The following ATP10B variants were observed in gnomAD, a reference collection of about 807,000 sequenced individuals.
The protein encoded by ATP10B is phospholipid-transporting ATPase VB.
ATP10B carries 122 observed loss-of-function variants against 141.2 expected under a neutral mutation model. The observed-to-expected ratio is 0.86, with a 90% CI of 0.75 to 1.00. The LOEUF (loss-of-function observed/expected upper bound fraction) is 1.00. ATP10B is among the 50% of genes least tolerant of loss of function. The pLI is 0.00. For missense variants in ATP10B, 1,876 were observed against 1,825.3 expected, an observed-to-expected ratio of 1.03 and a Z score of -0.51; for synonymous variants, 685 against 692.0, an observed-to-expected ratio of 0.99 and a Z score of 0.16.
At chr5:160,828,573 A>T (rs1459392012) in intron 1 of ATP10B, among the ~76,000 whole-genome samples, 1 of 151,564 alleles carries the variant, frequency 6.6e-6, no homozygotes, top group African/African-American at 2.4e-5. Flanking sequence ...GCTGGAGAGG[A>T]TGTGGAGAAA....
chr5:160,863,847 G>A, the ATP10B span, among the ~76,000 whole-genome samples: 3 of 151,820 alleles, frequency 2.0e-5, no homozygotes, highest in African/African-American at 4.8e-5. Context: ...AAAATATAGA[G>A]GAGATGGATA....
the ATP10B span, among the ~76,000 whole-genome samples, chr5:160,864,810 C>T: frequency 6.6e-6 from 1 of 151,936 alleles, no homozygotes; most frequent in Non-Finnish European, 1.5e-5. Flanking sequence ...AACTCAATCC[C>T]TTTTACAACA....
intron 2 of ATP10B, among the ~76,000 whole-genome samples, chr5:160,759,510 T>A (rs1242680171): frequency 2.0e-5 from 3 of 152,238 alleles, no homozygotes; most frequent in Non-Finnish European, 4.4e-5. Context: ...CAATTTTTTT[T>A]AAGATTGTTA....
intron 22 of ATP10B, among the ~76,000 whole-genome samples, chr5:160,593,125 G>A (rs551936626): frequency 3.9e-4 from 60 of 152,262 alleles, no homozygotes; most frequent in African/African-American, 1.2e-3. Flanking sequence ...AAGTGGGTCC[G>A]TGACCCCTGA....
the ATP10B span, among the ~76,000 whole-genome samples, chr5:160,895,517 C>T: frequency 6.6e-6 from 1 of 152,138 alleles, no homozygotes; most frequent in South Asian, 2.1e-4. Context: ...AACATATATG[C>T]ACCCAATACA....
rs1770967865 is a variant in ATP10B, at chr5:160,784,241, C to T, written c.-331+1318G>A. ...GAATGGTGAGATCTTGCAAAATTAT[C>T]TTCTTTTGGCTGCACAAAGCAATTG... is the stretch of plus-strand genomic sequence containing the variant. On this transcript the variant is annotated intron_variant, in intron 2 of 25. Transcript: ENST00000327245. Among the ~76,000 whole-genome samples, 3 of 152,122 alleles carry T rather than the reference C, an allele frequency of 2.0e-5. No individual in the cohort carries two copies. In the South Asian group the frequency reaches 6.2e-4, roughly 31 times the overall value.
At chr5:160,807,100 G>A (rs1330892963) in intron 1 of ATP10B, among the ~76,000 whole-genome samples, 1 of 152,130 alleles carries the variant, frequency 6.6e-6, no homozygotes, top group Non-Finnish European at 1.5e-5. Context: ...CTGTTAAAAA[G>A]GAATGAACAG....
In ATP10B at chr5:160,608,807, G is replaced by T. The variant is rs181789009; in HGVS notation, c.2839-1721C>A. Among the ~76,000 whole-genome samples the T allele has an allele frequency of 9.9e-5, 15 of 152,278 alleles. No homozygotes were observed. The East Asian group carries it at 2.9e-3, about 29-fold the overall frequency. On this transcript the variant is annotated intron_variant, in intron 18 of 25. Coordinates refer to ENST00000327245, the MANE Select transcript of ATP10B (RefSeq NM_025153.3). ...ATTTTTTTCCTGTAAATTTCTTTAA[G>T]TTCTTTGTAGATTCTGGATATTAGC...
upstream of ATP10B, among the ~76,000 whole-genome samples, chr5:160,855,847 G>C (rs931345756): frequency 2.6e-5 from 4 of 151,446 alleles, no homozygotes; most frequent in Admixed American, 1.3e-4. Flanking sequence ...TTTTATGACT[G>C]TCCTTCCTCC....
At chr5:160,831,113 T>C (rs937870093) in intron 1 of ATP10B, among the ~76,000 whole-genome samples, 12 of 798 alleles carry the variant, frequency 0.015, no homozygotes, top group African/African-American at 0.023. Context: ...TCAACACGCT[T>C]TTTTTTTTTC....
chr5:160,835,305 G>A (rs575577526), intron 1 of ATP10B, among the ~76,000 whole-genome samples: 2 of 152,264 alleles, frequency 1.3e-5, no homozygotes, highest in African/African-American at 4.8e-5. Flanking sequence ...TGAAGAACAA[G>A]CTGAGATGTA....
chr5:160,782,278 A>G (rs1205550636), intron 2 of ATP10B, among the ~76,000 whole-genome samples: 1 of 152,192 alleles, frequency 6.6e-6, no homozygotes, highest in Non-Finnish European at 1.5e-5. Context: ...TACAGTTTAG[A>G]CAAGGCACAG....
At chr5:160,644,282 G>T in intron 8 of ATP10B, 38 bp from the exon 9 acceptor site, 1 of 1,494,970 alleles carries the variant, frequency 6.7e-7, no homozygotes, top group Non-Finnish European at 9.3e-7. Flanking sequence ...GTGGTTTGGT[G>T]GCCTTTCCTT....
the ATP10B span, among the ~76,000 whole-genome samples, chr5:160,880,665 A>T: frequency 6.6e-6 from 1 of 152,218 alleles, no homozygotes; most frequent in Non-Finnish European, 1.5e-5. Flanking sequence ...CTGATCTTTG[A>T]CAAATGAGCA....
intron 24 of ATP10B, among the ~76,000 whole-genome samples, chr5:160,577,562 G>A (rs1000904383): frequency 6.6e-6 from 1 of 152,104 alleles, no homozygotes; most frequent in African/African-American, 2.4e-5. Flanking sequence ...CGCGTCCTAG[G>A]GGATTTCTAA....
intron 1 of ATP10B, among the ~76,000 whole-genome samples, chr5:160,850,939 A>G (rs13175534): frequency 0.13 from 20,054 of 152,218 alleles, 1,403 homozygotes; most frequent in African/African-American, 0.16. Flanking sequence ...TAACATCTAG[A>G]CAGAAAACAA....
chr5:160,811,225 C>G (rs773706695), intron 1 of ATP10B, among the ~76,000 whole-genome samples: 2 of 152,176 alleles, frequency 1.3e-5, no homozygotes, highest in Non-Finnish European at 1.5e-5. Context: ...AACTTGTTGG[C>G]TTCAGGCGAG....
At chr5:160,596,174 C>T (rs1756679137) in intron 22 of ATP10B, among the ~76,000 whole-genome samples, 1 of 152,178 alleles carries the variant, frequency 6.6e-6, no homozygotes, top group Admixed American at 6.5e-5. Flanking sequence ...CCCAGCAGCA[C>T]ATCAAAAAAC....
chr5:160,783,560 G>GACAC (rs1455992659), intron 2 of ATP10B, among the ~76,000 whole-genome samples: 211 of 44,346 alleles, frequency 4.8e-3, no homozygotes, highest in African/African-American at 0.015. Context: ...ATATATATAT[G>GACAC]ATACACACAC....
Sources: gnomAD v4.1 joint callset for allele counts (sites outside exome capture counted in the v4.1 genomes callset) on GRCh38, gnomAD v4.1.1 for gene constraint, MANE v1.5 for transcripts, NCBI Gene and HGNC (gene_info 2026-07-23, HGNC 2026-07-21) for gene names.